The following RP1L1 variants were observed in gnomAD, a reference collection of about 807,000 sequenced individuals.
RP1L1 encodes retinitis pigmentosa 1-like 1 protein.
In RP1L1, 27 loss-of-function variants were observed where a neutral mutation model predicts 15.7. That is an observed-to-expected ratio of 1.72 (90% CI 1.27 to 2.38). RP1L1 has a LOEUF of 2.38. Ranked by LOEUF, RP1L1 falls within the 30% of genes most tolerant of loss-of-function variation. RP1L1 has a pLI of 0.00. For synonymous variants in RP1L1, 1,813 were observed against 1,276.7 expected, an observed-to-expected ratio of 1.42 and a Z score of -8.96; for missense variants, 4,798 against 3,075.9, an observed-to-expected ratio of 1.56 and a Z score of -13.24.
intron 3 of RP1L1, 143 bp from the exon 4 acceptor site, chr8:10,613,489 C>G (rs768687208): frequency 1.6e-6 from 2 of 1,258,354 alleles, no homozygotes; most frequent in Admixed American, 2.0e-5. Context: ...GACAGCTGTG[C>G]GCGGTGGCTC....
chr8:10,631,389 ACACACACG>A (rs1285753448), intron 1 of RP1L1, among the ~76,000 whole-genome samples: 9 of 122,168 alleles, frequency 7.4e-5, no homozygotes, highest in African/African-American at 2.5e-4. Context: ...ACACACATGC[ACACACACG>A]CACACACACG....
chr8:10,627,484 G>T lies in RP1L1; in HGVS notation c.-19-4264C>A, dbSNP rs1798176662. 2.6e-5 allele frequency among the ~76,000 whole-genome samples: 4 copies of T among 151,996 alleles called. No individual in the cohort carries two copies. In the South Asian group the frequency reaches 8.3e-4, roughly 32 times the overall value. On this transcript the variant is annotated intron_variant, in intron 1 of 3. Coordinates refer to ENST00000382483, the MANE Select transcript of RP1L1 (RefSeq NM_178857.6). ...TGGGGGACATCAGGGCTGGGAGGAG[G>T]TACGAGAGGGGAGTTAATGTTTCAG...
At chr8:10,622,354 A>G (rs915477021) in intron 2 of RP1L1, among the ~76,000 whole-genome samples, 1 of 148,524 alleles carries the variant, frequency 6.7e-6, no homozygotes, top group African/African-American at 2.5e-5. Flanking sequence ...AAAAAAAAAG[A>G]GTACACAGGC....
intron 2 of RP1L1, among the ~76,000 whole-genome samples, chr8:10,619,101 C>T (rs541567670): frequency 6.6e-6 from 1 of 152,302 alleles, no homozygotes; most frequent in Admixed American, 6.5e-5. Flanking sequence ...AACTCCTGAC[C>T]TCAAGTGATC....
intron 3 of RP1L1, among the ~76,000 whole-genome samples, chr8:10,614,080 G>C (rs1245930914): frequency 6.6e-6 from 1 of 152,192 alleles, no homozygotes; most frequent in Admixed American, 6.5e-5. Context: ...GGCAGACTTG[G>C]CAGGCAGAGT....
intron 2 of RP1L1, chr8:10,621,448 C>G (rs758992780): frequency 4.4e-5 from 12 of 274,070 alleles, no homozygotes; most frequent in Non-Finnish European, 7.2e-5. Context: ...GCCTCAGCCT[C>G]CCGAGTAGCT....
Position 10,610,142 on chromosome 8 carries a change from G to C in RP1L1, c.3956C>G (p.Ala1319Gly), listed in dbSNP as rs4840501. ...TGTTTTAGTTTCCTCTAACTGCACCGCCTCTTCTTGCAGCCCTTCTCCTTC... is the reference window on the plus strand; with the variant it reads ...TGTTTTAGTTTCCTCTAACTGCACCCCCTCTTCTTGCAGCCCTTCTCCTTC... ...GTEGEGLQEE[A>G]VQLEETKTEE... The change falls in exon 4 of 4, where the codon GCG becomes GGG. Residue 1319 changes from alanine to glycine, a missense_variant. Physicochemically the swap from Ala to Gly is moderately conservative, Grantham distance 60. Coordinates refer to ENST00000382483, the MANE Select transcript of RP1L1 (RefSeq NM_178857.6). The C allele has an allele frequency of 0.24, 165,013 of 679,078 alleles. 23,485 individuals carry two copies. The highest frequency in any genetic ancestry group is 0.43 in the Admixed American group (13,998 of 32,786). The allele number at this position is 679,078 out of a possible 1,614,324, so 42.1% of individuals were successfully genotyped here.
At position 10,609,610 on chromosome 8, in the gene RP1L1, G is replaced by A. The variant is rs1797788914; in HGVS notation, c.4488C>T (p.Thr1496=). The change falls in exon 4 of 4, where the codon ACC becomes ACT. Residue 1496 remains threonine, a synonymous_variant. Transcript: ENST00000382483. ...MGQEHTQAQP[T]QGAAERSSSV... Reference sequence around the variant, plus strand: ...AAGAGCTCCTCTCTGCAGCCCCCTGGGTGGGTTGGGCCTGCGTGTGCTCTT... The same window carrying A: ...AAGAGCTCCTCTCTGCAGCCCCCTGAGTGGGTTGGGCCTGCGTGTGCTCTT... 1.9e-6 allele frequency: 3 copies of A among 1,607,262 alleles called. No homozygotes were observed. In the East Asian group the frequency reaches 6.7e-5, roughly 36 times the overall value.
intron 2 of RP1L1, among the ~76,000 whole-genome samples, chr8:10,617,665 T>C (rs1220908308): frequency 7.0e-6 from 1 of 143,132 alleles, no homozygotes; most frequent in Admixed American, 7.4e-5. Flanking sequence ...CATGCCATTC[T>C]CCTGCCTCAG....
At position 10,611,014 on chromosome 8, in the gene RP1L1, G is replaced by A; in HGVS notation, c.3084C>T (p.Leu1028=). 6.2e-7 allele frequency: 1 copy of A among 1,612,760 alleles called. No homozygotes were observed. Among genetic ancestry groups the A allele is most frequent in the Non-Finnish European group, 8.5e-7 (1 of 1,179,994 alleles). Residue 1028 remains leucine, a synonymous_variant, in exon 4 of 4, where the codon CTC becomes CTT. Transcript: ENST00000382483. ...GGGGACCAGTGTCACTACTCCCCAG[G>A]AGGGCTCCCTCTGGCTCTGGGTCCT... ...PGQDPEPEGA[L]LGSSDTGPQS... is the part of the protein sequence containing the mutation.
chr8:10,646,336 A>C (rs1019512938), intron 1 of RP1L1, among the ~76,000 whole-genome samples: 1 of 152,148 alleles, frequency 6.6e-6, no homozygotes. Flanking sequence ...TGGAGTTTCA[A>C]CCCAGAAGCA....
At chr8:10,615,471 G>A (rs759010610) in intron 3 of RP1L1, among the ~76,000 whole-genome samples, 71 of 152,158 alleles carry the variant, frequency 4.7e-4, no homozygotes, top group Non-Finnish European at 5.6e-4. Context: ...TGAGACCATC[G>A]TGACCCTGAA....
In RP1L1 at chr8:10,609,068, C is replaced by G. The variant is rs771744294; in HGVS notation, c.5030G>C (p.Gly1677Ala). The change falls in exon 4 of 4, where the codon GGG (glycine) becomes GCG (alanine). Residue 1677 changes from glycine to alanine, a missense_variant. Physicochemically the swap from Gly to Ala is moderately conservative, Grantham distance 60. Transcript: ENST00000382483. ...CTCTTTGATGGGACCTCTGGTTGCC[C>G]CCATTGTGGCCTTGGGGGACATAGG... Reference protein sequence around the residue: ...VSPMSPKATMGATRGPIKEAF... With the variant: ...VSPMSPKATMAATRGPIKEAF... 6.8e-6 allele frequency: 11 copies of G among 1,613,634 alleles called. No individual in the cohort carries two copies. In the Admixed American group the frequency reaches 1.5e-4, roughly 22 times the overall value.
chr8:10,622,877 G>A lies in RP1L1; in HGVS notation c.325C>T (p.Pro109Ser), dbSNP rs753986463. The change falls in exon 2 of 4, where the codon CCC becomes TCC. Residue 109 changes from proline (P) to serine (S), a missense_variant. By Grantham distance (74) the Pro-to-Ser change is moderately conservative. Transcript: ENST00000382483. ...CCTGGTCCACTGGGGGTCTTGGGGG[G>A]CTTCTTATCAGAGCAGAGGTAGCAG... is the stretch of plus-strand genomic sequence containing the variant. The part of the protein sequence containing the change: ...GGCYLCSDKK[P>S]PKTPSGPGRP... The A allele has an allele frequency of 1.9e-5, 31 of 1,613,238 alleles. No homozygotes were observed. In the East Asian group the frequency reaches 2.0e-4, roughly 10 times the overall value.
intron 1 of RP1L1, among the ~76,000 whole-genome samples, chr8:10,636,247 G>A (rs546807059): frequency 6.6e-6 from 1 of 152,304 alleles, no homozygotes; most frequent in Non-Finnish European, 1.5e-5. Flanking sequence ...TTTAAAGAAG[G>A]GTTCTGGGGG....
In RP1L1 at chr8:10,608,250, C is replaced by G. The variant is rs770935819; in HGVS notation, c.5848G>C (p.Ala1950Pro). 6.3e-7 allele frequency: 1 copy of G among 1,583,728 alleles called. No homozygotes were observed. The highest frequency in any genetic ancestry group is 8.6e-7 in the Non-Finnish European group (1 of 1,158,030). The change falls in exon 4 of 4, where the codon GCA (alanine) becomes CCA (proline). Residue 1950 changes from alanine (A) to proline (P), a missense_variant. Coordinates refer to ENST00000382483, the MANE Select transcript of RP1L1 (RefSeq NM_178857.6). Reference protein sequence around the residue: ...AQEAEEAAQEAEGQTQPESEV... With the variant: ...AQEAEEAAQEPEGQTQPESEV... ...GACTCTGGCTGGGTCTGCCCTTCTG[C>G]CTCCTGGGCCGCCTCTTCTGCCTCT...
chr8:10,635,450 T>C (rs192281213), intron 1 of RP1L1, among the ~76,000 whole-genome samples: 1 of 152,234 alleles, frequency 6.6e-6, no homozygotes, highest in Non-Finnish European at 1.5e-5. Flanking sequence ...CCTGAAGGAA[T>C]GTAGCCAACG....
chr8:10,609,457 C>A lies in RP1L1; in HGVS notation c.4641G>T (p.Leu1547=), dbSNP rs960411300. ...AVAELRARWG[L]QDNDLLDQMA... ...TCTGGTCCAGCAGATCATTGTCCTG[C>A]AGGCCCCAGCGTGCTCGGAGCTCAG... Residue 1547 remains leucine, a synonymous_variant, in exon 4 of 4, where the codon CTG becomes CTT. Transcript: ENST00000382483. 4 of 1,612,256 alleles carry A rather than the reference C, an allele frequency of 2.5e-6. No homozygotes were observed. In the African/African-American group the frequency reaches 5.3e-5, roughly 22 times the overall value.
chr8:10,622,839 C>T lies in RP1L1; in HGVS notation c.363G>A (p.Glu121=), dbSNP rs767785821. The T allele has an allele frequency of 6.2e-7, 1 of 1,613,174 alleles. No individual in the cohort carries two copies. Residue 121 remains glutamate (E), a synonymous_variant, in exon 2 of 4, where the codon GAG becomes GAA. Coordinates refer to ENST00000382483, the MANE Select transcript of RP1L1 (RefSeq NM_178857.6). Reference sequence around the variant, plus strand: ...GCAACTGCTGAGCAGTGGGGTTTCTCTCCTGTGGCCGGCCTGGTCCACTGG... The same window carrying T: ...GCAACTGCTGAGCAGTGGGGTTTCTTTCCTGTGGCCGGCCTGGTCCACTGG... ...KTPSGPGRPQ[E]RNPTAQQLRD...
Sources: allele counts gnomAD v4.1 joint callset (sites outside exome capture counted in the v4.1 genomes callset), GRCh38; gene constraint gnomAD v4.1.1; transcripts MANE v1.5; gene names NCBI Gene and HGNC (gene_info 2026-07-23, HGNC 2026-07-21).